Variants in ACOXL observed in about 807,000 individuals in gnomAD.
The protein encoded by ACOXL is acyl-CoA oxidase like.
In ACOXL, 70 loss-of-function variants were observed where a neutral mutation model predicts 71.9. The observed-to-expected ratio is 0.97, with a 90% confidence interval of 0.80 to 1.19. ACOXL has a LOEUF of 1.19. Ranked by LOEUF, ACOXL falls within the 50% of genes most tolerant of loss-of-function variation. The pLI, the probability that ACOXL is intolerant of heterozygous loss-of-function variation, is 0.00. For missense variants in ACOXL, 703 were observed against 736.3 expected (o/e 0.95, Z 0.52); for synonymous variants, 253 against 281.6 (o/e 0.90, Z 1.02).
At chr2:110,966,026 A>G (rs1389367255) in intron 12 of ACOXL, among the ~76,000 whole-genome samples, 8 of 152,156 alleles carry the variant, frequency 5.3e-5, no homozygotes, top group African/African-American at 1.9e-4. Context: ...CAACAAAAAA[A>G]CATAACCATT....
chr2:110,988,331 C>T (rs936555441), intron 13 of ACOXL, among the ~76,000 whole-genome samples: 1 of 152,010 alleles, frequency 6.6e-6, no homozygotes, highest in African/African-American at 2.4e-5. Context: ...GTCCCAGCTG[C>T]TTGGGAGGCT....
intron 1 of ACOXL, among the ~76,000 whole-genome samples, chr2:110,752,001 TTTTC>T (rs941007533): frequency 5.3e-5 from 8 of 151,872 alleles, no homozygotes; most frequent in Non-Finnish European, 1.0e-4. Flanking sequence ...ATCCCATTTC[TTTTC>T]TTTCTTTCTT....
chr2:110,749,596 C>T (rs116012049), intron 1 of ACOXL, among the ~76,000 whole-genome samples: 3,371 of 152,194 alleles, frequency 0.022, 129 homozygotes, highest in African/African-American at 0.077. Context: ...GGCACGGTGG[C>T]GGGCACTTGT....
intron 1 of ACOXL, among the ~76,000 whole-genome samples, chr2:110,736,720 C>T (rs749627705): frequency 1.3e-5 from 2 of 151,814 alleles, no homozygotes; most frequent in Admixed American, 6.6e-5. Context: ...CCCGGGCTCA[C>T]GCCATTCTCC....
chr2:110,762,181 G>A lies in ACOXL; in HGVS notation c.-22-6187G>A, dbSNP rs117203045. Among the ~76,000 whole-genome samples the A allele has an allele frequency of 7.6e-4, 116 of 151,982 alleles. 2 individuals carry two copies. The East Asian group carries it at 0.016, about 21-fold the overall frequency. On this transcript the variant is annotated intron_variant, in intron 1 of 17. Transcript: ENST00000439055. Reference sequence around the variant, plus strand: ...TTTCTACTTTTTCTTTTTGATTAGCGTTCACATGGCTTAACTTTTTGCATC... The same window carrying A: ...TTTCTACTTTTTCTTTTTGATTAGCATTCACATGGCTTAACTTTTTGCATC...
At chr2:110,823,550 G>A (rs2105541798) in intron 9 of ACOXL, among the ~76,000 whole-genome samples, 1 of 152,330 alleles carries the variant, frequency 6.6e-6, no homozygotes, top group East Asian at 1.9e-4. Context: ...ACTGTCTTCT[G>A]CAGTGGCTGT....
intron 16 of ACOXL, among the ~76,000 whole-genome samples, chr2:111,074,311 T>C (rs2067491257): frequency 6.6e-6 from 1 of 152,142 alleles, no homozygotes; most frequent in African/African-American, 2.4e-5. Context: ...ATAAGAGTGA[T>C]GAGAATTGAC....
At chr2:110,815,459 G>C (rs557333187) in intron 9 of ACOXL, among the ~76,000 whole-genome samples, 2 of 152,116 alleles carry the variant, frequency 1.3e-5, no homozygotes, top group Non-Finnish European at 2.9e-5. Context: ...ATGCTTGTTG[G>C]TTTATTTCTC....
intron 12 of ACOXL, among the ~76,000 whole-genome samples, chr2:110,951,443 C>T (rs1400606240): frequency 6.6e-6 from 1 of 152,038 alleles, no homozygotes; most frequent in African/African-American, 2.4e-5. Context: ...GTTTCTTTGC[C>T]TATATTATAC....
At chr2:110,992,647 A>T (rs1023765459) in intron 13 of ACOXL, among the ~76,000 whole-genome samples, 1 of 152,216 alleles carries the variant, frequency 6.6e-6, no homozygotes, top group Non-Finnish European at 1.5e-5. Flanking sequence ...GGTAAGGCAG[A>T]TGGAGCATGG....
At chr2:110,960,352 G>T (rs1444534560) in intron 12 of ACOXL, among the ~76,000 whole-genome samples, 1 of 152,190 alleles carries the variant, frequency 6.6e-6, no homozygotes. Flanking sequence ...CTCAGTAGTG[G>T]CCTCCATGAC....
chr2:110,757,527 AG>A (rs1679853856), intron 1 of ACOXL, among the ~76,000 whole-genome samples: 1 of 152,124 alleles, frequency 6.6e-6, no homozygotes, highest in African/African-American at 2.4e-5. Flanking sequence ...ACAGTGTAAA[AG>A]TGTTCCTCGT....
intron 16 of ACOXL, among the ~76,000 whole-genome samples, chr2:111,051,131 A>T (rs2066269692): frequency 6.6e-6 from 1 of 152,236 alleles, no homozygotes; most frequent in African/African-American, 2.4e-5. Context: ...TTGAACAGGC[A>T]TCATCAAAGA....
intron 10 of ACOXL, among the ~76,000 whole-genome samples, chr2:110,897,792 A>G (rs1296952410): frequency 1.3e-5 from 2 of 152,208 alleles, no homozygotes; most frequent in African/African-American, 4.8e-5. Context: ...AGAGAATATC[A>G]GTGAACAAAG....
chr2:111,057,582 TG>T (rs2066609407), intron 16 of ACOXL, among the ~76,000 whole-genome samples: 1 of 150,792 alleles, frequency 6.6e-6, no homozygotes, highest in East Asian at 2.0e-4. Context: ...GGGAGAGGGG[TG>T]GTAGGGGATT....
intron 9 of ACOXL, among the ~76,000 whole-genome samples, chr2:110,825,192 G>C (rs1234128819): frequency 6.6e-6 from 1 of 152,202 alleles, no homozygotes; most frequent in Non-Finnish European, 1.5e-5. Flanking sequence ...TCACACTCCA[G>C]TGACCATGGT....
chr2:110,824,018 T>C (rs763946022), intron 9 of ACOXL, among the ~76,000 whole-genome samples: 17 of 152,212 alleles, frequency 1.1e-4, no homozygotes, highest in Admixed American at 3.3e-4. Context: ...TTTGGTGCTA[T>C]ATCTAAAAAT....
intron 16 of ACOXL, among the ~76,000 whole-genome samples, chr2:111,070,368 G>A (rs1338776533): frequency 6.6e-6 from 1 of 152,146 alleles, no homozygotes; most frequent in Admixed American, 6.5e-5. Context: ...CATGGATGGA[G>A]CTGGAGACCA....
At position 110,965,572 on chromosome 2, in the gene ACOXL, G is replaced by A. The variant is rs190438360; in HGVS notation, c.1060-21536G>A. On this transcript the variant is annotated intron_variant, in intron 12 of 17. Coordinates refer to ENST00000439055, the MANE Select transcript of ACOXL (RefSeq NM_001142807.4). ...ATGACATCATGATGGCAAAGATATC[G>A]CTAGGTGATGGGAAATTTTTCGCTG... is the stretch of plus-strand genomic sequence containing the variant. Among the ~76,000 whole-genome samples the A allele has an allele frequency of 5.3e-5, 8 of 152,262 alleles. No individual in the cohort carries two copies. The East Asian group carries it at 9.6e-4, about 18-fold the overall frequency.
Sources: allele counts gnomAD v4.1 joint callset (sites outside exome capture counted in the v4.1 genomes callset), GRCh38; gene constraint gnomAD v4.1.1; transcripts MANE v1.5; gene names NCBI Gene and HGNC (gene_info 2026-07-23, HGNC 2026-07-21).